The following WDPCP variants were observed in gnomAD, a reference collection of about 807,000 sequenced individuals.
The protein encoded by WDPCP is WD repeat containing planar cell polarity effector.
Under a neutral mutation model 93.1 loss-of-function variants are expected in WDPCP, and 71 were observed. The observed-to-expected ratio is 0.76, with a 90% CI of 0.63 to 0.93. The LOEUF (loss-of-function observed/expected upper bound fraction) is 0.93, where lower values mean the gene tolerates loss of function less well. Ranked by LOEUF, WDPCP falls within the 40% of genes least tolerant of loss-of-function variation. WDPCP has a pLI of 0.00. For synonymous variants in WDPCP, 315 were observed against 315.0 expected (o/e 1.00, Z 0.00); for missense variants, 844 against 887.4 (o/e 0.95, Z 0.62).
At chr2:63,590,514 T>A (rs944146903), upstream of WDPCP, 1 of 152,228 alleles carries the variant, frequency 6.6e-6, no homozygotes, top group Non-Finnish European at 1.5e-5. Flanking sequence ...ATACTGCATA[T>A]ACAAACTCAA....
At chr2:63,166,971 CATT>C (rs893504839) in intron 15 of WDPCP, among the ~76,000 whole-genome samples, 17 of 151,954 alleles carry the variant, frequency 1.1e-4, no homozygotes, top group Admixed American at 2.0e-4. Flanking sequence ...CTCTGGTAAC[CATT>C]ATTATATTCA....
At position 63,303,697 on chromosome 2, in the gene WDPCP, G is replaced by A. The variant is rs138135867; in HGVS notation, c.1812+9551C>T. Among the ~76,000 whole-genome samples, 38 of 152,258 alleles carry A rather than the reference G, an allele frequency of 2.5e-4. 1 individual carries two copies. In the East Asian group the frequency reaches 4.8e-3, roughly 19 times the overall value. The stretch of plus-strand genomic sequence containing the variant: ...AGGGGCAACACGGTAAAGATTCACC[G>A]TTCTCTTTTCCCAGATGAATGCATA... On this transcript the variant is annotated intron_variant, in intron 13 of 17. Transcript: ENST00000272321.
At chr2:63,815,223 A>G (rs1010079397) in intron 1 of WDPCP, among the ~76,000 whole-genome samples, 1 of 152,160 alleles carries the variant, frequency 6.6e-6, no homozygotes, top group Non-Finnish European at 1.5e-5. Flanking sequence ...AGTGTTTTAA[A>G]TTGCTTTTAT....
At chr2:63,361,777 G>A (rs1690473114) in intron 12 of WDPCP, among the ~76,000 whole-genome samples, 1 of 152,192 alleles carries the variant, frequency 6.6e-6, no homozygotes, top group South Asian at 2.1e-4. Flanking sequence ...GAGAGGAGCA[G>A]TGAGGACAAG....
intron 12 of WDPCP, among the ~76,000 whole-genome samples, chr2:63,334,358 G>A (rs1027045742): frequency 3.3e-5 from 5 of 152,142 alleles, no homozygotes; most frequent in African/African-American, 1.2e-4. Context: ...GGTGGTCAGA[G>A]CACAGTTTGG....
At chr2:63,156,096 T>A (rs1672229547) in intron 15 of WDPCP, among the ~76,000 whole-genome samples, 2 of 152,064 alleles carry the variant, frequency 1.3e-5, no homozygotes, top group South Asian at 4.1e-4. Context: ...GCCCCCCGGA[T>A]TCCAGCGATT....
chr2:63,758,756 A>T (rs1480828661), intron 2 of WDPCP, among the ~76,000 whole-genome samples: 3 of 151,574 alleles, frequency 2.0e-5, no homozygotes, highest in East Asian at 1.9e-4. Context: ...TGGAGTCTTT[A>T]AAAAAAGCTC....
At chr2:63,220,791 A>G (rs780215636) in intron 14 of WDPCP, among the ~76,000 whole-genome samples, 17 of 152,076 alleles carry the variant, frequency 1.1e-4, no homozygotes, top group Non-Finnish European at 1.6e-4. Flanking sequence ...TGGTTTGCCT[A>G]TCAACCCATC....
intron 2 of WDPCP, among the ~76,000 whole-genome samples, chr2:63,748,953 T>C (rs1669838354): frequency 1.3e-5 from 2 of 152,120 alleles, no homozygotes; most frequent in South Asian, 4.1e-4. Flanking sequence ...AATTCTTAAC[T>C]TGTGGTTTTT....
At chr2:63,570,267 T>C (rs1021402154) in intron 1 of WDPCP, among the ~76,000 whole-genome samples, 3 of 152,230 alleles carry the variant, frequency 2.0e-5, no homozygotes, top group Non-Finnish European at 4.4e-5. Flanking sequence ...GGTTCTTTGC[T>C]ACTTAAAAAA....
chr2:63,646,988 A>G (rs1710059277), intron 3 of WDPCP, among the ~76,000 whole-genome samples: 1 of 151,892 alleles, frequency 6.6e-6, no homozygotes, highest in South Asian at 2.1e-4. Context: ...CCTTTGAATA[A>G]ACTTTCTACT....
Position 63,787,617 on chromosome 2 carries a change from G to A in WDPCP, n.308+26005C>T, listed in dbSNP as rs143906781. Among the ~76,000 whole-genome samples, 71 of 152,270 alleles carry A rather than the reference G, an allele frequency of 4.7e-4. 2 individuals carry two copies. The East Asian group carries it at 0.013, about 27-fold the overall frequency. ...ATATATTTAAAACATATATCATGGA[G>A]CAGCATTGTCTAAAATTATAGGTAA... is the stretch of plus-strand genomic sequence containing the variant. On this transcript the variant is annotated intron_variant and non_coding_transcript_variant, in intron 2 of 4. Transcript: ENST00000467687.
intron 3 of WDPCP, among the ~76,000 whole-genome samples, chr2:63,633,445 C>T (rs1000431672): frequency 1.3e-5 from 2 of 151,988 alleles, no homozygotes; most frequent in African/African-American, 4.8e-5. Flanking sequence ...ATTATGACAT[C>T]AAAAATATAA....
At chr2:63,564,925 G>T (rs550756627) in intron 1 of WDPCP, among the ~76,000 whole-genome samples, 1 of 151,940 alleles carries the variant, frequency 6.6e-6, no homozygotes, top group Non-Finnish European at 1.5e-5. Context: ...TTACAGGCGC[G>T]TGCCACCATA....
At chr2:63,413,429 A>T (rs549958595) in intron 9 of WDPCP, among the ~76,000 whole-genome samples, 7 of 152,318 alleles carry the variant, frequency 4.6e-5, no homozygotes, top group Admixed American at 2.0e-4. Flanking sequence ...CTAGAAGATA[A>T]CATTGGAAAA....
chr2:63,787,003 C>T (rs1670476625), intron 2 of WDPCP, among the ~76,000 whole-genome samples: 1 of 152,092 alleles, frequency 6.6e-6, no homozygotes, highest in Non-Finnish European at 1.5e-5. Flanking sequence ...GGAAAGGGTA[C>T]TATTTCTAGA....
intron 2 of WDPCP, chr2:63,717,873 G>C (rs530264481): frequency 6.0e-6 from 1 of 166,534 alleles, no homozygotes; most frequent in South Asian, 1.6e-4. Flanking sequence ...CATGAGCACA[G>C]ATGGTCTGAT....
At chr2:63,368,804 T>A (rs1473950270) in intron 12 of WDPCP, 2 of 152,236 alleles carry the variant, frequency 1.3e-5, no homozygotes, top group Non-Finnish European at 2.9e-5. Flanking sequence ...GAAATACAAA[T>A]ATATTTCACA....
intron 15 of WDPCP, among the ~76,000 whole-genome samples, chr2:63,166,467 C>T (rs556888037): frequency 2.4e-4 from 37 of 152,128 alleles, no homozygotes; most frequent in Admixed American, 7.2e-4. Context: ...AGTGCAGGGG[C>T]GCGATCAGCT....
Sources: gnomAD v4.1 joint callset for allele counts (sites outside exome capture counted in the v4.1 genomes callset) on GRCh38, gnomAD v4.1.1 for gene constraint, MANE v1.5 for transcripts, NCBI Gene and HGNC (gene_info 2026-07-23, HGNC 2026-07-21) for gene names.